EXOC5: variants seen among roughly 807,000 people sequenced by gnomAD.
The protein encoded by EXOC5 is exocyst complex component 5.
In EXOC5, 17 loss-of-function variants were observed where a neutral mutation model predicts 90.8. The ratio of observed to expected loss-of-function variants is 0.19; its 90% CI spans 0.13 to 0.28. The LOEUF is 0.28. Ranked by LOEUF, EXOC5 falls within the 10% of genes least tolerant of loss-of-function variation. EXOC5 has a pLI of 1.00. For synonymous variants in EXOC5, 260 were observed against 270.0 expected (o/e 0.96, Z 0.36); for missense variants, 569 against 830.6 (o/e 0.69, Z 3.87).
chr14:57,226,585 C>T (rs1222371392), intron 12 of EXOC5, among the ~76,000 whole-genome samples: 1 of 151,962 alleles, frequency 6.6e-6, no homozygotes, highest in African/African-American at 2.4e-5. Context: ...CTTACACTAC[C>T]CGATTCAAGA....
intron 1 of EXOC5, among the ~76,000 whole-genome samples, chr14:57,258,964 C>A (rs1884423766): frequency 6.6e-6 from 1 of 152,112 alleles, no homozygotes; most frequent in Non-Finnish European, 1.5e-5. Flanking sequence ...AACCAACTAA[C>A]CCATCGGTTC....
intron 4 of EXOC5, chr14:57,243,716 A>T (rs1024606345): frequency 6.4e-6 from 1 of 155,858 alleles, no homozygotes; most frequent in African/African-American, 2.4e-5. Context: ...AATTCTTTAT[A>T]AGAGATCTTT....
chr14:57,235,126 C>G (rs1883619526), intron 7 of EXOC5, among the ~76,000 whole-genome samples: 1 of 152,142 alleles, frequency 6.6e-6, no homozygotes, highest in South Asian at 2.1e-4. Context: ...AAAAGTCCAA[C>G]AAATAGCTTC....
chr14:57,256,079 G>GT (rs1352314459), intron 1 of EXOC5, among the ~76,000 whole-genome samples: 1 of 152,138 alleles, frequency 6.6e-6, no homozygotes, highest in Non-Finnish European at 1.5e-5. Context: ...TACGAACATA[G>GT]TAAGAGTGTC....
chr14:57,219,992 T>C (rs1883080215), intron 13 of EXOC5, among the ~76,000 whole-genome samples: 1 of 152,162 alleles, frequency 6.6e-6, no homozygotes, highest in Non-Finnish European at 1.5e-5. Context: ...TCAGCTGACC[T>C]CTCTGGATTT....
rs545385235 is a variant in EXOC5, at chr14:57,212,976, CAG to C, written c.1614-2917_1614-2916del. 1.6e-4 allele frequency among the ~76,000 whole-genome samples: 25 copies of C among 152,290 alleles called. No individual in the cohort carries two copies. In the South Asian group the frequency reaches 5.2e-3, roughly 32 times the overall value. ...TAACTTCTGTTCATCACTTTCAGCA[CAG>C]AGTTTCTCCTTCTGTTTCTTCAGGT... is the stretch of plus-strand genomic sequence containing the variant. On this transcript the variant is annotated intron_variant, in intron 15 of 17. Transcript: ENST00000621441.
At chr14:57,236,179 G>C (rs539995820) in intron 6 of EXOC5, among the ~76,000 whole-genome samples, 2 of 152,078 alleles carry the variant, frequency 1.3e-5, no homozygotes, top group South Asian at 4.2e-4. Context: ...GAGGACTACA[G>C]AACTCTTTAC....
chr14:57,202,963 A>G lies in EXOC5; in HGVS notation c.*5646T>C, dbSNP rs1882548984. 1.3e-5 allele frequency: 2 copies of G among 152,196 alleles called. No homozygotes were observed. The highest frequency in any genetic ancestry group is 4.1e-4 in the South Asian group (2 of 4,836). 9.4% of individuals were successfully genotyped at this position (152,196 alleles called of 1,614,324 possible). On this transcript the variant is annotated 3_prime_UTR_variant, in exon 18 of 18. Coordinates refer to ENST00000621441, the MANE Select transcript of EXOC5 (RefSeq NM_006544.4). ...GCACTTAGGTATTATTCCTTATAAA[A>G]TATTTTCACATAACTTCATGTGAAT... is the stretch of plus-strand genomic sequence containing the variant.
chr14:57,211,541 C>G (rs930464212), intron 15 of EXOC5, among the ~76,000 whole-genome samples: 8 of 152,172 alleles, frequency 5.3e-5, no homozygotes, highest in African/African-American at 1.7e-4. Context: ...ACAGCATATA[C>G]AGCATCTTTC....
chr14:57,225,853 G>A (rs961754527), intron 12 of EXOC5, among the ~76,000 whole-genome samples: 2 of 152,174 alleles, frequency 1.3e-5, no homozygotes, highest in Non-Finnish European at 2.9e-5. Context: ...GTCCGGAAAG[G>A]CGGGACAACT....
rs1445163723 is a variant in EXOC5, at chr14:57,200,791, T to C, written c.*7818A>G. The C allele has an allele frequency of 6.6e-6, 1 of 150,850 alleles. No individual in the cohort carries two copies. The highest frequency in any genetic ancestry group is 1.5e-5 in the Non-Finnish European group (1 of 67,834). The allele number at this position is 150,850 out of a possible 1,614,324, so 9.3% of individuals were successfully genotyped here. ...AAAAAAAAAACTTCCACCAAAAATATAGTTGTTTCTGCGTGATAAAATTGT... is the reference window on the plus strand; with the variant it reads ...AAAAAAAAAACTTCCACCAAAAATACAGTTGTTTCTGCGTGATAAAATTGT... On this transcript the variant is annotated 3_prime_UTR_variant, in exon 18 of 18. Coordinates refer to ENST00000621441, the MANE Select transcript of EXOC5 (RefSeq NM_006544.4).
At position 57,233,739 on chromosome 14, in the gene EXOC5, T is replaced by C; in HGVS notation, c.855+4A>G. The C allele has an allele frequency of 6.6e-7, 1 of 1,521,556 alleles. No individual in the cohort carries two copies. Among genetic ancestry groups the C allele is most frequent in the Non-Finnish European group, 9.1e-7 (1 of 1,104,122 alleles). The allele number at this position is 1,521,556 out of a possible 1,614,324, so 94.3% of individuals were successfully genotyped here. A position where few individuals can be genotyped will look rare whatever the true frequency, so the allele number is the denominator to read the frequency against. ...CTATTTAATTTGTTACTATTTAAAA[T>C]TACCTGTAGTTTGATTTCAAATACA... On this transcript the variant is annotated splice_donor_region_variant and intron_variant, in intron 9 of 17. Transcript: ENST00000621441.
intron 3 of EXOC5, among the ~76,000 whole-genome samples, chr14:57,245,404 T>TA (rs200128982): frequency 2.6e-5 from 4 of 151,368 alleles, no homozygotes; most frequent in Admixed American, 6.6e-5. Flanking sequence ...CTTTACAGAT[T>TA]AAAAAAAAAC....
rs1390841645 is a variant in EXOC5, at chr14:57,206,507, T to C, written c.*2102A>G. On this transcript the variant is annotated 3_prime_UTR_variant, in exon 18 of 18. Transcript: ENST00000621441. ...CCTGTGCTGTGAAAAATTTTAAAAA[T>C]CTCAAATTTTTAAATAAAAAATCAT... is the stretch of plus-strand genomic sequence containing the variant. 1.3e-5 allele frequency: 2 copies of C among 151,894 alleles called. No homozygotes were observed. The highest frequency in any genetic ancestry group is 4.8e-5 in the African/African-American group (2 of 41,412). 9.4% of individuals were successfully genotyped at this position (151,894 alleles called of 1,614,324 possible).
chr14:57,220,821 G>A (rs932176652), intron 13 of EXOC5, among the ~76,000 whole-genome samples: 1 of 151,298 alleles, frequency 6.6e-6, no homozygotes, highest in African/African-American at 2.4e-5. Flanking sequence ...TAAAAATAAG[G>A]GCATATCAAA....
Position 57,207,662 on chromosome 14 carries a change from A to C in EXOC5, c.*947T>G, listed in dbSNP as rs1882699223. 1 of 152,150 alleles carries C rather than the reference A, an allele frequency of 6.6e-6. No homozygotes were observed. Among genetic ancestry groups the C allele is most frequent in the African/African-American group, 2.4e-5 (1 of 41,458 alleles). The allele number at this position is 152,150 out of a possible 1,614,324, so 9.4% of individuals were successfully genotyped here. On this transcript the variant is annotated 3_prime_UTR_variant, in exon 18 of 18. Coordinates refer to ENST00000621441, the MANE Select transcript of EXOC5 (RefSeq NM_006544.4). The stretch of plus-strand genomic sequence containing the variant: ...AAAATAAAAGACTAACCACATGTTC[A>C]GCCATTCCATCTTATTCAAGTTTAG...
intron 14 of EXOC5, 51 bp from the exon 15 acceptor site, chr14:57,218,119 T>C: frequency 2.2e-6 from 2 of 916,864 alleles, no homozygotes; most frequent in Non-Finnish European, 3.5e-6. Flanking sequence ...TCTAATATTT[T>C]CTAAAAGTTT....
chr14:57,266,203 C>A (rs566712485), intron 1 of EXOC5, among the ~76,000 whole-genome samples: 1 of 152,294 alleles, frequency 6.6e-6, no homozygotes, highest in South Asian at 2.1e-4. Flanking sequence ...CTACATCCTG[C>A]CTTCCGTTTT....
intron 3 of EXOC5, among the ~76,000 whole-genome samples, chr14:57,244,664 A>G (rs1883980686): frequency 6.6e-6 from 1 of 152,196 alleles, no homozygotes; most frequent in Non-Finnish European, 1.5e-5. Context: ...CCAAATGATG[A>G]TTCTGAAAAC....
Sources: allele counts gnomAD v4.1 joint callset (sites outside exome capture counted in the v4.1 genomes callset), GRCh38; gene constraint gnomAD v4.1.1; transcripts MANE v1.5; gene names NCBI Gene and HGNC (gene_info 2026-07-23, HGNC 2026-07-21).